Variants in COL19A1 observed in about 807,000 individuals in gnomAD.
COL19A1 encodes collagen alpha-1(XIX) chain.
In COL19A1, 159 loss-of-function variants were observed where a neutral mutation model predicts 190.2. The observed-to-expected ratio is 0.84, with a 90% CI of 0.73 to 0.95. COL19A1 has a LOEUF of 0.95. Among genes scored for constraint, COL19A1 ranks in the 40% least tolerant of loss-of-function variants. COL19A1 has a pLI of 0.00. For missense variants in COL19A1, 1,418 were observed against 1,431.9 expected, an observed-to-expected ratio of 0.99 and a Z score of 0.16; for synonymous variants, 509 against 458.9, an observed-to-expected ratio of 1.11 and a Z score of -1.39.
intron 1 of COL19A1, among the ~76,000 whole-genome samples, chr6:69,872,871 G>A (rs1475620722): frequency 1.3e-5 from 2 of 152,174 alleles, no homozygotes; most frequent in Admixed American, 1.3e-4. Context: ...CTGGGGTCTG[G>A]CCAGAATCTT....
chr6:70,200,090 A>G (rs1228908780), intron 49 of COL19A1, among the ~76,000 whole-genome samples: 1 of 152,162 alleles, frequency 6.6e-6, no homozygotes, highest in African/African-American at 2.4e-5. Flanking sequence ...CTTTTGGTGT[A>G]AGTTAAGCAA....
At position 70,149,713 on chromosome 6, in the gene COL19A1, G is replaced by C; in HGVS notation, c.1903G>C (p.Gly635Arg). ...TCTCATTTGTACTCAGGGCGCCCAA[G>C]GACCAGCTGGAGAGCCAGGTATTCA... ...IGIPGRTGAQGPAGEPGIQGP... is the reference protein window; with the variant it reads ...IGIPGRTGAQRPAGEPGIQGP... Residue 635 changes from glycine (G) to arginine (R), a missense_variant, in exon 28 of 51, where the codon GGA becomes CGA. Coordinates refer to ENST00000620364, the MANE Select transcript of COL19A1 (RefSeq NM_001858.6). 1 of 1,613,502 alleles carries C rather than the reference G, an allele frequency of 6.2e-7. No homozygotes were observed. The highest frequency in any genetic ancestry group is 8.5e-7 in the Non-Finnish European group (1 of 1,179,708).
chr6:70,211,240 G>A lies in COL19A1; in HGVS notation c.*3966G>A, dbSNP rs915642886. On this transcript the variant is annotated 3_prime_UTR_variant, in exon 51 of 51. Transcript: ENST00000620364. ...AGAAACACTGTTTTTTTTAAGTACCGTTTTTATTTTCATAACACTAATAAT... is the reference window on the plus strand; with the variant it reads ...AGAAACACTGTTTTTTTTAAGTACCATTTTTATTTTCATAACACTAATAAT... Among the ~76,000 whole-genome samples, 9 of 151,788 alleles carry A rather than the reference G, an allele frequency of 5.9e-5. No individual in the cohort carries two copies. Among genetic ancestry groups the A allele is most frequent in the South Asian group, 2.1e-4 (1 of 4,812 alleles).
chr6:70,175,661 A>G (rs1765755920), intron 41 of COL19A1, among the ~76,000 whole-genome samples: 1 of 152,070 alleles, frequency 6.6e-6, no homozygotes, highest in Non-Finnish European at 1.5e-5. Context: ...TGTTGGTATT[A>G]CTAGTATCTC....
intron 14 of COL19A1, among the ~76,000 whole-genome samples, chr6:70,066,191 A>G (rs1003086960): frequency 4.6e-5 from 7 of 152,214 alleles, no homozygotes; most frequent in Non-Finnish European, 1.0e-4. Context: ...AAAGACTTGG[A>G]ACCAACCCAA....
At chr6:69,880,747 G>A (rs1392815381) in intron 2 of COL19A1, among the ~76,000 whole-genome samples, 2 of 152,118 alleles carry the variant, frequency 1.3e-5, no homozygotes, top group East Asian at 3.8e-4. Flanking sequence ...ACAATTTGGG[G>A]GGGAAACTCT....
In COL19A1 at chr6:69,929,616, G is replaced by A. The variant is rs1772622133; in HGVS notation, c.582G>A (p.Arg194=). 2 of 1,613,846 alleles carry A rather than the reference G, an allele frequency of 1.2e-6. No homozygotes were observed. The highest frequency in any genetic ancestry group is 1.1e-5 in the South Asian group (1 of 91,084). ...ATATGGATTGTAATTTAATTGCGAGGAGGCAGACTGATGAAAAGGACACTG... is the reference window on the plus strand; with the variant it reads ...ATATGGATTGTAATTTAATTGCGAGAAGGCAGACTGATGAAAAGGACACTG... ...SLYMDCNLIA[R]RQTDEKDTVD... Residue 194 remains arginine, a synonymous_variant, in exon 6 of 51, where the codon AGG becomes AGA. Coordinates refer to ENST00000620364, the MANE Select transcript of COL19A1 (RefSeq NM_001858.6).
chr6:69,958,310 C>T (rs1774557342), intron 9 of COL19A1, among the ~76,000 whole-genome samples: 2 of 152,054 alleles, frequency 1.3e-5, no homozygotes, highest in African/African-American at 4.8e-5. Flanking sequence ...ATCTCATGAT[C>T]GTATGTAACT....
At position 70,190,393 on chromosome 6, in the gene COL19A1, T is replaced by G; in HGVS notation, c.3094+12T>G. The G allele has an allele frequency of 6.4e-7, 1 of 1,569,794 alleles. No homozygotes were observed. The highest frequency in any genetic ancestry group is 1.1e-5 in the South Asian group (1 of 88,204). On this transcript the variant is annotated intron_variant, in intron 48 of 50. Coordinates refer to ENST00000620364, the MANE Select transcript of COL19A1 (RefSeq NM_001858.6). ...AAGGATTTTTGAAGGTTAGATTTTCTTAATAACATTTTCGAATTTTTCACT... is the reference window on the plus strand; with the variant it reads ...AAGGATTTTTGAAGGTTAGATTTTCGTAATAACATTTTCGAATTTTTCACT...
chr6:70,059,451 A>G (rs1780694885), intron 14 of COL19A1, among the ~76,000 whole-genome samples: 1 of 152,138 alleles, frequency 6.6e-6, no homozygotes, highest in South Asian at 2.1e-4. Flanking sequence ...TCTGTTCTGA[A>G]CCAGTTAATT....
chr6:70,154,107 AC>A (rs1174932629), intron 31 of COL19A1, among the ~76,000 whole-genome samples: 34 of 70,298 alleles, frequency 4.8e-4, no homozygotes, highest in South Asian at 9.7e-4. Context: ...TCCCTCCCCT[AC>A]CCCCCCCAAC....
intron 11 of COL19A1, among the ~76,000 whole-genome samples, chr6:69,984,535 T>A (rs1254608089): frequency 6.6e-6 from 1 of 152,138 alleles, no homozygotes; most frequent in South Asian, 2.1e-4. Context: ...TTCATAATAT[T>A]TACATCCTGT....
intron 42 of COL19A1, among the ~76,000 whole-genome samples, chr6:70,179,876 T>C (rs1446965534): frequency 6.6e-6 from 1 of 151,696 alleles, no homozygotes; most frequent in African/African-American, 2.4e-5. Flanking sequence ...AAATGCCACT[T>C]TATTTATTTA....
intron 48 of COL19A1, among the ~76,000 whole-genome samples, chr6:70,192,124 G>T (rs897646394): frequency 6.6e-6 from 1 of 152,034 alleles, no homozygotes; most frequent in Admixed American, 6.5e-5. Context: ...GCAATGACGC[G>T]ATCTCAGCCC....
At chr6:70,009,330 A>G (rs1777837117) in intron 11 of COL19A1, among the ~76,000 whole-genome samples, 2 of 152,086 alleles carry the variant, frequency 1.3e-5, no homozygotes, top group Admixed American at 6.5e-5. Context: ...TGAATATACA[A>G]ATTTTTATTT....
chr6:70,122,946 T>G (rs1784967324), intron 17 of COL19A1, among the ~76,000 whole-genome samples: 1 of 152,192 alleles, frequency 6.6e-6, no homozygotes, highest in Admixed American at 6.6e-5. Context: ...TGATGCTATT[T>G]TAAATTATCT....
At chr6:70,191,185 T>C (rs1180281139) in intron 48 of COL19A1, among the ~76,000 whole-genome samples, 1 of 152,200 alleles carries the variant, frequency 6.6e-6, no homozygotes, top group Non-Finnish European at 1.5e-5. Context: ...ATGTATTGCT[T>C]TTTGGAAAAA....
intron 16 of COL19A1, among the ~76,000 whole-genome samples, chr6:70,117,952 T>C (rs1784674180): frequency 6.6e-6 from 1 of 152,214 alleles, no homozygotes; most frequent in African/African-American, 2.4e-5. Context: ...CCCTCTGCAG[T>C]TGGCCTCTCT....
At chr6:70,113,010 T>C (rs1390408323) in intron 16 of COL19A1, among the ~76,000 whole-genome samples, 12 of 152,230 alleles carry the variant, frequency 7.9e-5, no homozygotes, top group Non-Finnish European at 1.2e-4. Context: ...AGAGCTGCCT[T>C]TGCTGCAATC....
Sources: gnomAD v4.1 joint callset for allele counts (sites outside exome capture counted in the v4.1 genomes callset) on GRCh38, gnomAD v4.1.1 for gene constraint, MANE v1.5 for transcripts, NCBI Gene and HGNC (gene_info 2026-07-23, HGNC 2026-07-21) for gene names.